Variants in NELL2 observed in about 807,000 individuals in gnomAD.
NELL2 encodes the protein neural EGFL like 2, also known as protein kinase C-binding protein NELL2.
NELL2 carries 41 observed loss-of-function variants against 109.6 expected under a neutral mutation model. The ratio of observed to expected loss-of-function variants is 0.37; its 90% CI spans 0.29 to 0.49. The LOEUF is 0.49. Among genes scored for constraint, NELL2 ranks in the 20% least tolerant of loss-of-function variants. The probability of loss-of-function intolerance (pLI) is 0.98; values close to 1 mark genes in which losing one functional copy is unlikely to be tolerated. For missense variants in NELL2, 900 were observed against 1,008.3 expected (o/e 0.89, Z 1.45); for synonymous variants, 355 against 344.7 (o/e 1.03, Z -0.33).
In NELL2 at chr12:44,889,044, G is replaced by T. The variant is rs187347496; in HGVS notation, c.39-13144C>A. On this transcript the variant is annotated intron_variant, in intron 1 of 20. Transcript: ENST00000333837. ...GCCTATCTACCCAAGGACTGCTGGG[G>T]GTCAAGTCTACATTGCCATGCTGTA... Among the ~76,000 whole-genome samples the T allele has an allele frequency of 2.6e-5, 4 of 151,910 alleles. No homozygotes were observed. In the East Asian group the frequency reaches 7.7e-4, roughly 29 times the overall value.
At chr12:44,742,102 C>T (rs57060709) in intron 9 of NELL2, among the ~76,000 whole-genome samples, 11,310 of 152,072 alleles carry the variant, frequency 0.074, 1,364 homozygotes, top group African/African-American at 0.25. Flanking sequence ...GGTACTCCTC[C>T]GAGACAAAAC....
At chr12:44,754,934 A>G (rs947071780) in intron 9 of NELL2, among the ~76,000 whole-genome samples, 12 of 152,170 alleles carry the variant, frequency 7.9e-5, no homozygotes, top group African/African-American at 2.9e-4. Flanking sequence ...CAAAAACTCA[A>G]ATATCTCTTG....
intron 9 of NELL2, among the ~76,000 whole-genome samples, chr12:44,717,166 C>T (rs1811968539): frequency 6.6e-6 from 1 of 151,930 alleles, no homozygotes; most frequent in Admixed American, 6.6e-5. Context: ...TTCAGTAATA[C>T]TAGTAGGATA....
chr12:44,810,429 T>C (rs935653711), intron 3 of NELL2, among the ~76,000 whole-genome samples: 3 of 152,116 alleles, frequency 2.0e-5, no homozygotes, highest in African/African-American at 7.2e-5. Context: ...TGTTTAATAA[T>C]TGGCTCTCTG....
chr12:44,884,927 T>C (rs2703041), intron 1 of NELL2, among the ~76,000 whole-genome samples: 1,894 of 152,032 alleles, frequency 0.012, 72 homozygotes, highest in African/African-American at 0.044. Context: ...AAAATATACA[T>C]CTAATGAGGC....
At chr12:44,740,159 G>A (rs527888405) in intron 9 of NELL2, among the ~76,000 whole-genome samples, 70 of 152,280 alleles carry the variant, frequency 4.6e-4, no homozygotes, top group African/African-American at 1.3e-3. Context: ...AGTTATGGGC[G>A]TGTGACCCAA....
chr12:44,628,364 G>A (rs559515160), intron 13 of NELL2, among the ~76,000 whole-genome samples: 19 of 152,254 alleles, frequency 1.2e-4, no homozygotes, highest in Non-Finnish European at 2.2e-4. Flanking sequence ...CCACATGGTC[G>A]AGGGTGGTAA....
intron 9 of NELL2, among the ~76,000 whole-genome samples, chr12:44,733,990 G>T (rs1174900667): frequency 6.6e-6 from 1 of 151,920 alleles, no homozygotes; most frequent in East Asian, 1.9e-4. Flanking sequence ...GCACAGTAGG[G>T]TATAATGGTC....
At chr12:44,733,602 T>A (rs533016606) in intron 9 of NELL2, among the ~76,000 whole-genome samples, 1 of 151,952 alleles carries the variant, frequency 6.6e-6, no homozygotes, top group African/African-American at 2.4e-5. Context: ...AGAGTTTCAG[T>A]CATGAAAGAT....
At chr12:44,676,804 AGAATGTG>A (rs1270624528) in intron 12 of NELL2, among the ~76,000 whole-genome samples, 1 of 152,070 alleles carries the variant, frequency 6.6e-6, no homozygotes, top group African/African-American at 2.4e-5. Context: ...GAAAAATGAG[AGAATGTG>A]GAATGTGGGG....
intron 11 of NELL2, among the ~76,000 whole-genome samples, chr12:44,710,342 C>A (rs1205576717): frequency 6.6e-6 from 1 of 152,028 alleles, no homozygotes; most frequent in African/African-American, 2.4e-5. Context: ...TTATTTGGGG[C>A]AGTTTGTTAT....
chr12:44,849,557 C>A (rs942095157), intron 2 of NELL2, among the ~76,000 whole-genome samples: 11 of 152,232 alleles, frequency 7.2e-5, no homozygotes, highest in African/African-American at 2.6e-4. Context: ...TTGAACAGTA[C>A]AAAATGGTAC....
intron 15 of NELL2, among the ~76,000 whole-genome samples, chr12:44,597,080 G>A (rs886888728): frequency 6.6e-6 from 1 of 152,110 alleles, no homozygotes; most frequent in African/African-American, 2.4e-5. Context: ...CATGCAGGGT[G>A]ATCTATCCCT....
At chr12:44,523,199 C>T in intron 17 of NELL2, 92 bp downstream of exon 17, 2 of 1,211,688 alleles carry the variant, frequency 1.7e-6, no homozygotes, top group Non-Finnish European at 1.2e-6. Context: ...TGGATGTACA[C>T]ATTGTCAAAA....
chr12:44,622,915 T>C (rs896588401), intron 13 of NELL2, among the ~76,000 whole-genome samples: 1 of 152,136 alleles, frequency 6.6e-6, no homozygotes, highest in African/African-American at 2.4e-5. Context: ...ATTACATACA[T>C]TGTTCTTGAT....
At chr12:44,719,781 A>C (rs1026870163) in intron 9 of NELL2, among the ~76,000 whole-genome samples, 1 of 152,128 alleles carries the variant, frequency 6.6e-6, no homozygotes, top group Non-Finnish European at 1.5e-5. Flanking sequence ...AAAATGTATA[A>C]TAGCAGTTAC....
At chr12:44,820,901 G>C (rs1943520070) in intron 2 of NELL2, among the ~76,000 whole-genome samples, 1 of 150,782 alleles carries the variant, frequency 6.6e-6, no homozygotes, top group Non-Finnish European at 1.5e-5. Context: ...TATAGGTTTA[G>C]AAGTCACCAG....
chr12:44,661,502 C>A (rs141973540), intron 13 of NELL2, among the ~76,000 whole-genome samples: 2 of 152,170 alleles, frequency 1.3e-5, no homozygotes, highest in Non-Finnish European at 2.9e-5. Context: ...GGATTCACCA[C>A]CGGTAACTCG....
At chr12:44,563,918 C>A (rs868397920) in intron 15 of NELL2, among the ~76,000 whole-genome samples, 1 of 152,140 alleles carries the variant, frequency 6.6e-6, no homozygotes, top group Admixed American at 6.5e-5. Context: ...AAACGTCCAC[C>A]ATGGTTATCA....
Sources: gnomAD v4.1 joint callset for allele counts (sites outside exome capture counted in the v4.1 genomes callset) on GRCh38, gnomAD v4.1.1 for gene constraint, MANE v1.5 for transcripts, NCBI Gene and HGNC (gene_info 2026-07-23, HGNC 2026-07-21) for gene names.